The following M1AP variants were observed in gnomAD, a reference collection of about 807,000 sequenced individuals.
The protein encoded by M1AP is meiosis 1 associated protein.
In M1AP, 39 loss-of-function variants were observed where a neutral mutation model predicts 51.2. The ratio of observed to expected loss-of-function variants is 0.76; its 90% CI spans 0.59 to 1.00. M1AP has a LOEUF of 1.00. Ranked by LOEUF, M1AP falls within the 50% of genes least tolerant of loss-of-function variation. The pLI is 0.00. For synonymous variants in M1AP, 251 were observed against 249.2 expected (o/e 1.01, Z -0.07); for missense variants, 545 against 641.2 (o/e 0.85, Z 1.62).
At chr2:74,594,039 T>C (rs1347576817) in intron 4 of M1AP, among the ~76,000 whole-genome samples, 1 of 152,150 alleles carries the variant, frequency 6.6e-6, no homozygotes, top group Non-Finnish European at 1.5e-5. Context: ...TATACACATA[T>C]GGGGTGAACT....
At chr2:74,576,834 T>G in intron 5 of M1AP, 1 of 1,316,784 alleles carries the variant, frequency 7.6e-7, no homozygotes, top group Non-Finnish European at 9.9e-7. Flanking sequence ...AGTATCTCTA[T>G]CGCTCTACAT....
chr2:74,612,251 C>T (rs1681410838), intron 3 of M1AP, among the ~76,000 whole-genome samples: 2 of 151,996 alleles, frequency 1.3e-5, no homozygotes, highest in Non-Finnish European at 2.9e-5. Flanking sequence ...CAAGGTCTTG[C>T]TCTGTCACCC....
At chr2:74,597,445 A>G (rs1367249337) in intron 4 of M1AP, among the ~76,000 whole-genome samples, 3 of 152,242 alleles carry the variant, frequency 2.0e-5, no homozygotes, top group East Asian at 1.9e-4. Context: ...CTGTTCTGAC[A>G]ATTGCACTGA....
intron 4 of M1AP, among the ~76,000 whole-genome samples, chr2:74,603,116 A>G (rs952814973): frequency 6.6e-6 from 1 of 152,186 alleles, no homozygotes; most frequent in African/African-American, 2.4e-5. Context: ...GGGAACTATG[A>G]TTGCCTCAAC....
chr2:74,628,579 C>T (rs1337673552), intron 2 of M1AP: 1 of 572,726 alleles, frequency 1.7e-6, no homozygotes, highest in Admixed American at 2.2e-5. Context: ...CTTGATTCAG[C>T]TTCTGACACA....
intron 7 of M1AP, among the ~76,000 whole-genome samples, chr2:74,563,073 T>C (rs1481860367): frequency 2.0e-5 from 3 of 152,120 alleles, no homozygotes; most frequent in Admixed American, 6.5e-5. Context: ...ATCCCTGGAA[T>C]GTCCAGAGAG....
chr2:74,575,670 T>A, intron 6 of M1AP, 91 bp from the exon 7 acceptor site: 1 of 993,130 alleles, frequency 1.0e-6, no homozygotes, highest in Non-Finnish European at 1.5e-6. Flanking sequence ...TCTAAGACAG[T>A]ACTGTGAAAG....
rs1677813548 is a variant in M1AP, at chr2:74,560,189, GC to G, written c.1383del (p.Arg462GlyfsTer35). 6.2e-7 allele frequency: 1 copy of G among 1,613,926 alleles called. No homozygotes were observed. Among genetic ancestry groups the G allele is most frequent in the Non-Finnish European group, 8.5e-7 (1 of 1,179,974 alleles). ...CGGCTCTCCCAGTGTGGGTGGAGCC[GC>G]CCCTGAGGCTTGGCATAGATGCTGC... ...HLSSIYAKPQ[G>X]RLHPHWESRA... On this transcript the variant is annotated frameshift_variant, in exon 9 of 11. Transcript: ENST00000421985. LOFTEE classifies it low-confidence loss of function (END_TRUNC).
intron 4 of M1AP, among the ~76,000 whole-genome samples, chr2:74,586,415 CTAAG>C (rs1679712024): frequency 6.6e-6 from 1 of 152,180 alleles, no homozygotes; most frequent in African/African-American, 2.4e-5. Flanking sequence ...TGAGCTTCAT[CTAAG>C]TTAGTCTCCT....
intron 3 of M1AP, among the ~76,000 whole-genome samples, chr2:74,612,474 C>A (rs1681425172): frequency 6.6e-6 from 1 of 152,166 alleles, no homozygotes; most frequent in Non-Finnish European, 1.5e-5. Context: ...CCTGCCGTAG[C>A]TTCCCAAAGT....
At chr2:74,588,321 C>G (rs1255253888) in intron 4 of M1AP, among the ~76,000 whole-genome samples, 1 of 152,150 alleles carries the variant, frequency 6.6e-6, no homozygotes, top group African/African-American at 2.4e-5. Context: ...AGCTCTATGA[C>G]CCCAAAAAGG....
At chr2:74,585,144 A>C (rs1679631964) in intron 4 of M1AP, among the ~76,000 whole-genome samples, 1 of 152,046 alleles carries the variant, frequency 6.6e-6, no homozygotes, top group African/African-American at 2.4e-5. Flanking sequence ...TGCCCAGCCT[A>C]TATTGGCATA....
rs1422877540 is a variant in M1AP at position 74,632,250 on chromosome 2, CAGA to C, written c.240+7783_240+7785del. On this transcript the variant is annotated intron_variant, in intron 2 of 10. Transcript: ENST00000421985. Reference sequence around the variant, plus strand: ...GGGGAAAAAGCTGCCTTTGCCACACCAGACTTGGTGCACAGCCAATGCACTGCA... The same window carrying C: ...GGGGAAAAAGCTGCCTTTGCCACACCCTTGGTGCACAGCCAATGCACTGCA... Among the ~76,000 whole-genome samples, 13 of 152,274 alleles carry C rather than the reference CAGA, an allele frequency of 8.5e-5. No individual in the cohort carries two copies. In the East Asian group the frequency reaches 2.5e-3, roughly 29 times the overall value.
At chr2:74,638,390 T>C (rs949650060) in intron 2 of M1AP, among the ~76,000 whole-genome samples, 1 of 152,172 alleles carries the variant, frequency 6.6e-6, no homozygotes, top group Non-Finnish European at 1.5e-5. Context: ...TTTTGAAAAG[T>C]GTTTTTCATA....
intron 2 of M1AP, among the ~76,000 whole-genome samples, chr2:74,616,040 C>G (rs1479429398): frequency 3.3e-5 from 5 of 152,188 alleles, no homozygotes; most frequent in Admixed American, 3.3e-4. Flanking sequence ...CTGGGCTTAG[C>G]TCCACAGTTG....
chr2:74,561,408 C>G (rs534224488), intron 8 of M1AP, among the ~76,000 whole-genome samples: 208 of 152,042 alleles, frequency 1.4e-3, no homozygotes, highest in Middle Eastern at 6.8e-3. Flanking sequence ...AGCGCAAACA[C>G]AGGTATACAC....
chr2:74,616,116 A>T (rs1681653089), intron 2 of M1AP, among the ~76,000 whole-genome samples: 1 of 152,192 alleles, frequency 6.6e-6, no homozygotes, highest in Admixed American at 6.5e-5. Context: ...TTCTTACACA[A>T]AGAAAACTTG....
chr2:74,630,060 C>A (rs1361614402), intron 2 of M1AP, among the ~76,000 whole-genome samples: 1 of 151,770 alleles, frequency 6.6e-6, no homozygotes, highest in East Asian at 1.9e-4. Flanking sequence ...CCTGCCTTAT[C>A]CTCCTGAGTA....
chr2:74,647,929 C>G, intron 1 of M1AP: 1 of 765,192 alleles, frequency 1.3e-6, no homozygotes, highest in Non-Finnish European at 1.6e-6. Context: ...AAAAAATTCT[C>G]GTGGCTCCCT....
Sources: allele counts gnomAD v4.1 joint callset (sites outside exome capture counted in the v4.1 genomes callset), GRCh38; gene constraint gnomAD v4.1.1; transcripts MANE v1.5; gene names NCBI Gene and HGNC (gene_info 2026-07-23, HGNC 2026-07-21).